TCF4: variants seen among roughly 807,000 people sequenced by gnomAD.
TCF4 encodes the protein transcription factor 4, also known as SL3-3 enhancer factor 2.
Under a neutral mutation model 82.1 loss-of-function variants are expected in TCF4, and 3 were observed. The observed-to-expected ratio is 0.04, with a 90% confidence interval of 0.02 to 0.09. The LOEUF is 0.09. Among genes scored for constraint, TCF4 ranks in the 10% least tolerant of loss-of-function variants. The pLI, the probability that TCF4 is intolerant of heterozygous loss-of-function variation, is 1.00. For missense variants in TCF4, 518 were observed against 852.7 expected, an observed-to-expected ratio of 0.61 and a Z score of 4.89; for synonymous variants, 276 against 309.6, an observed-to-expected ratio of 0.89 and a Z score of 1.14.
chr18:55,287,353 T>C (rs2063928442), intron 8 of TCF4, among the ~76,000 whole-genome samples: 1 of 152,340 alleles, frequency 6.6e-6, no homozygotes, highest in African/African-American at 2.4e-5. Flanking sequence ...AAATATCAGC[T>C]GAGTCATTAT....
intron 5 of TCF4, among the ~76,000 whole-genome samples, chr18:55,418,042 T>C (rs78281202): frequency 0.061 from 9,099 of 149,840 alleles, 478 homozygotes; most frequent in African/African-American, 0.14. Flanking sequence ...TGTGTGTGTG[T>C]GTATCTGTGT....
At chr18:55,387,059 CTA>C (rs1024064183) in intron 6 of TCF4, among the ~76,000 whole-genome samples, 2 of 152,216 alleles carry the variant, frequency 1.3e-5, no homozygotes, top group African/African-American at 4.8e-5. Context: ...AAAGCCTGGG[CTA>C]TAGAGTATTA....
intron 1 of TCF4, among the ~76,000 whole-genome samples, chr18:55,634,221 A>G (rs1365451129): frequency 1.3e-5 from 2 of 152,248 alleles, no homozygotes; most frequent in East Asian, 1.9e-4. Context: ...GTGAGCCAAG[A>G]TTGTGCCACT....
chr18:55,381,712 G>A (rs1458875576), intron 6 of TCF4, among the ~76,000 whole-genome samples: 3 of 152,150 alleles, frequency 2.0e-5, no homozygotes, highest in African/African-American at 7.2e-5. Context: ...AAGATGTGTA[G>A]AGTATCGGTT....
chr18:55,441,959 T>C (rs1444987849), intron 5 of TCF4, among the ~76,000 whole-genome samples: 1 of 152,190 alleles, frequency 6.6e-6, no homozygotes, highest in Admixed American at 6.5e-5. Flanking sequence ...ATCGCGGTGA[T>C]CCAGTCCCAT....
chr18:55,259,849 T>G (rs1376736154), intron 13 of TCF4, 100 bp downstream of exon 13: 3 of 1,003,024 alleles, frequency 3.0e-6, no homozygotes, highest in Non-Finnish European at 4.8e-6. Flanking sequence ...GCTTTGGGAT[T>G]TGGGGGGAAG....
intron 2 of TCF4, among the ~76,000 whole-genome samples, chr18:55,618,752 ATT>A (rs35018085): frequency 1.4e-5 from 2 of 147,628 alleles, no homozygotes; most frequent in Non-Finnish European, 1.5e-5. Flanking sequence ...TGGCTAATTA[ATT>A]TTTTTTTTTT....
At chr18:55,415,888 T>C (rs186914050) in intron 5 of TCF4, among the ~76,000 whole-genome samples, 14 of 152,242 alleles carry the variant, frequency 9.2e-5, no homozygotes, top group Non-Finnish European at 1.6e-4. Flanking sequence ...GCAAAGTCTC[T>C]TTTAGTGTAT....
intron 8 of TCF4, among the ~76,000 whole-genome samples, chr18:55,325,403 G>A (rs1031041005): frequency 6.6e-6 from 1 of 152,100 alleles, no homozygotes; most frequent in Non-Finnish European, 1.5e-5. Context: ...CTATCCACTC[G>A]ACCACAGAGC....
intron 3 of TCF4, among the ~76,000 whole-genome samples, chr18:55,550,026 A>G (rs2147118688): frequency 6.6e-6 from 1 of 152,332 alleles, no homozygotes; most frequent in African/African-American, 2.4e-5. Context: ...GGTAAATACT[A>G]TTCATTGAAG....
intron 3 of TCF4, among the ~76,000 whole-genome samples, chr18:55,483,290 T>C (rs1402333892): frequency 1.3e-5 from 2 of 152,214 alleles, no homozygotes; most frequent in Non-Finnish European, 2.9e-5. Flanking sequence ...TTTCATCTTG[T>C]CCACTGTTAG....
chr18:55,526,066 C>T (rs764465439), intron 3 of TCF4, among the ~76,000 whole-genome samples: 28 of 152,218 alleles, frequency 1.8e-4, no homozygotes, highest in Non-Finnish European at 3.4e-4. Context: ...ACATTTCAGA[C>T]ATCCTTATCA....
intron 5 of TCF4, among the ~76,000 whole-genome samples, chr18:55,407,631 A>G (rs17595065): frequency 0.017 from 2,474 of 148,182 alleles, 34 homozygotes; most frequent in Non-Finnish European, 0.024. Context: ...TGAGCAGGAA[A>G]GGCAAGCAAC....
intron 6 of TCF4, chr18:55,384,103 G>A (rs568651613): frequency 1.3e-5 from 2 of 152,298 alleles, no homozygotes; most frequent in African/African-American, 2.4e-5. Context: ...GATGGTCAAC[G>A]GGTTAATATT....
intron 8 of TCF4, among the ~76,000 whole-genome samples, chr18:55,329,577 GA>G (rs1348164865): frequency 6.6e-6 from 1 of 152,124 alleles, no homozygotes; most frequent in African/African-American, 2.4e-5. Flanking sequence ...AATGATTTGG[GA>G]AAAAAATTGA....
chr18:55,555,291 C>G (rs781364233), intron 3 of TCF4, among the ~76,000 whole-genome samples: 1 of 152,144 alleles, frequency 6.6e-6, no homozygotes, highest in African/African-American at 2.4e-5. Flanking sequence ...AAAAAGAAAG[C>G]TGCCTACCCA....
Position 55,629,609 on chromosome 18 carries a change from A to G in TCF4, c.286+1689T>C, listed in dbSNP as rs150512051. ...CCCGGGTGAGTGAACGCCTGTGTGC[A>G]GCTGCTATAAAACTGGATGATTCTA... On this transcript the variant is annotated intron_variant, in intron 2 of 20. Coordinates refer to the TCF4 transcript ENST00000398339. 4.7e-4 allele frequency among the ~76,000 whole-genome samples: 72 copies of G among 152,342 alleles called. No homozygotes were observed. The East Asian group carries it at 0.014, about 29-fold the overall frequency.
intron 5 of TCF4, among the ~76,000 whole-genome samples, chr18:55,436,354 C>T (rs2095329426): frequency 6.6e-6 from 1 of 152,178 alleles, no homozygotes; most frequent in Admixed American, 6.5e-5. Flanking sequence ...GTAAAGGTTA[C>T]ATTTTCAACT....
chr18:55,295,698 T>C (rs567064090), intron 8 of TCF4, among the ~76,000 whole-genome samples: 1 of 152,326 alleles, frequency 6.6e-6, no homozygotes, highest in South Asian at 2.1e-4. Context: ...AGGCCACTGT[T>C]TACCTTTTCA....
Sources: allele counts gnomAD v4.1 joint callset (sites outside exome capture counted in the v4.1 genomes callset), GRCh38; gene constraint gnomAD v4.1.1; transcripts MANE v1.5; gene names NCBI Gene and HGNC (gene_info 2026-07-23, HGNC 2026-07-21).